SLIT3: variants seen among roughly 807,000 people sequenced by gnomAD.
SLIT3 encodes the protein slit homolog 3 protein.
SLIT3 carries 68 observed loss-of-function variants against 184.0 expected under a neutral mutation model. That is an observed-to-expected ratio of 0.37 (90% confidence interval 0.30 to 0.45). The LOEUF (loss-of-function observed/expected upper bound fraction) is 0.45, where lower values mean the gene tolerates loss of function less well. Among genes scored for constraint, SLIT3 ranks in the 20% least tolerant of loss-of-function variants. The pLI is 1.00. For missense variants in SLIT3, 1,707 were observed against 2,026.0 expected, an observed-to-expected ratio of 0.84 and a Z score of 3.02; for synonymous variants, 831 against 828.6, an observed-to-expected ratio of 1.00 and a Z score of -0.05.
At position 168,722,937 on chromosome 5, in the gene SLIT3, T is replaced by A; in HGVS notation, c.2407A>T (p.Thr803Ser). 6.2e-7 allele frequency: 1 copy of A among 1,610,710 alleles called. No individual in the cohort carries two copies. Among genetic ancestry groups the A allele is most frequent in the Non-Finnish European group, 8.5e-7 (1 of 1,176,938 alleles). The change falls in exon 22 of 36, where the codon ACT (threonine) becomes TCT (serine). Residue 803 changes from threonine to serine, a missense_variant. Coordinates refer to ENST00000519560, the MANE Select transcript of SLIT3 (RefSeq NM_003062.4). ...ACAGCATCTCAGTGTACTCACAGAG[T>A]GGAGAGGTGAGACATGTTACTGAAG... ...YTFSNMSHLS[T>S]LILSYNRLRC...
chr5:169,142,008 C>G (rs1222507793), intron 4 of SLIT3, among the ~76,000 whole-genome samples: 1 of 150,754 alleles, frequency 6.6e-6, no homozygotes, highest in East Asian at 1.9e-4. Flanking sequence ...CAAGATCGCA[C>G]CAGTGCACTC....
intron 4 of SLIT3, among the ~76,000 whole-genome samples, chr5:169,136,784 T>C (rs141635555): frequency 2.0e-3 from 312 of 152,242 alleles, no homozygotes; most frequent in African/African-American, 7.0e-3. Context: ...TGTGTATGAG[T>C]TGAACCATTA....
At chr5:169,042,312 T>C (rs569332369) in intron 4 of SLIT3, among the ~76,000 whole-genome samples, 1 of 152,290 alleles carries the variant, frequency 6.6e-6, no homozygotes, top group South Asian at 2.1e-4. Flanking sequence ...CATGAAAAAT[T>C]AATTCAACCC....
rs992513118 is a variant in SLIT3 at position 169,191,431 on chromosome 5, C to A, written c.413+2048G>T. 5.3e-5 allele frequency among the ~76,000 whole-genome samples: 8 copies of A among 152,180 alleles called. 1 individual carries two copies. Among genetic ancestry groups the A allele is most frequent in the African/African-American group, 1.9e-4 (8 of 41,446 alleles). ...TGCTTGTTGCAACTCCTAGTCTCTT[C>A]ATGCCTCCCAGAGAAAGGAGATCAG... On this transcript the variant is annotated intron_variant, in intron 4 of 35. Transcript: ENST00000519560.
intron 4 of SLIT3, among the ~76,000 whole-genome samples, chr5:169,051,154 C>T (rs746731497): frequency 7.9e-5 from 12 of 152,094 alleles, no homozygotes; most frequent in Admixed American, 7.2e-4. Flanking sequence ...CCTTCAGAAC[C>T]GGAAAGGAAA....
chr5:168,891,716 C>T (rs910139183), intron 4 of SLIT3, among the ~76,000 whole-genome samples: 1 of 152,194 alleles, frequency 6.6e-6, no homozygotes, highest in African/African-American at 2.4e-5. Flanking sequence ...ACCTGTTAGG[C>T]TGCAAGCTTC....
chr5:168,780,568 C>T (rs1377315872), intron 12 of SLIT3, among the ~76,000 whole-genome samples: 3 of 152,222 alleles, frequency 2.0e-5, no homozygotes. Context: ...TAAAAAAGTG[C>T]TCTGTGTGTC....
chr5:168,917,461 C>G (rs552681720), intron 4 of SLIT3, among the ~76,000 whole-genome samples: 33 of 152,304 alleles, frequency 2.2e-4, no homozygotes, highest in Non-Finnish European at 4.1e-4. Flanking sequence ...AGTCAAATCC[C>G]TTGTTTTTTA....
chr5:169,060,381 G>A (rs1408142497), intron 4 of SLIT3, among the ~76,000 whole-genome samples: 1 of 149,166 alleles, frequency 6.7e-6, no homozygotes, highest in Non-Finnish European at 1.5e-5. Context: ...GACAGAGCAA[G>A]ACTCCATCTC....
At chr5:168,749,682 G>A (rs1184552338) in intron 18 of SLIT3, 47 bp from the exon 19 acceptor site, 1 of 1,607,302 alleles carries the variant, frequency 6.2e-7, no homozygotes, top group Non-Finnish European at 8.5e-7. Flanking sequence ...TACTGTGGGA[G>A]CGGCCCTGGG....
chr5:169,038,222 G>A (rs1000955116), intron 4 of SLIT3, among the ~76,000 whole-genome samples: 2 of 152,132 alleles, frequency 1.3e-5, no homozygotes, highest in Non-Finnish European at 2.9e-5. Flanking sequence ...TAACTGGCAC[G>A]GGTCTGTGGA....
intron 6 of SLIT3, among the ~76,000 whole-genome samples, chr5:168,840,014 C>T (rs1200477457): frequency 6.6e-6 from 1 of 152,174 alleles, no homozygotes; most frequent in Non-Finnish European, 1.5e-5. Context: ...TTAATCTGGA[C>T]AGTGAGAGGT....
At position 168,750,219 on chromosome 5, in the gene SLIT3, G is replaced by A. The variant is rs115207232; in HGVS notation, c.1974-584C>T. Among the ~76,000 whole-genome samples the A allele has an allele frequency of 2.9e-3, 445 of 152,260 alleles. 2 individuals are homozygous for A. Among genetic ancestry groups the A allele is most frequent in the African/African-American group, 1.0e-2 (414 of 41,544 alleles). ...CAGAAACTAGCGTTATGTCATCACA[G>A]GCACTTTATATGCATCTGTGGACTG... On this transcript the variant is annotated intron_variant, in intron 18 of 35. Coordinates refer to ENST00000519560, the MANE Select transcript of SLIT3 (RefSeq NM_003062.4).
chr5:169,242,819 T>C (rs931137355), intron 3 of SLIT3, among the ~76,000 whole-genome samples: 2 of 152,140 alleles, frequency 1.3e-5, no homozygotes, highest in Admixed American at 6.6e-5. Context: ...TCCCCAGACA[T>C]GCATGGGTAT....
At chr5:168,672,114 C>T (rs1406984421) in intron 33 of SLIT3, among the ~76,000 whole-genome samples, 2 of 152,192 alleles carry the variant, frequency 1.3e-5, no homozygotes, top group African/African-American at 2.4e-5. Context: ...ATTCCCTGCC[C>T]ACCTTCTATA....
rs149893002 is a variant in SLIT3, at chr5:169,260,934, T to G, written c.198-9475A>C. 1.2e-3 allele frequency among the ~76,000 whole-genome samples: 188 copies of G among 152,358 alleles called. 1 individual carries two copies. Among genetic ancestry groups the G allele is most frequent in the Non-Finnish European group, 2.1e-3 (145 of 68,032 alleles). On this transcript the variant is annotated intron_variant, in intron 1 of 35. Coordinates refer to ENST00000519560, the MANE Select transcript of SLIT3 (RefSeq NM_003062.4). ...GCAACCTTTTTCTTTAAAGGCCAGA[T>G]AGTAAATAATTTGGGTTCTGCCAGT...
rs549754851 is a variant in SLIT3, at chr5:168,670,042, C to T, written c.4128-51G>A. The T allele has an allele frequency of 4.6e-5, 70 of 1,524,734 alleles. 1 individual carries two copies. The South Asian group carries it at 7.6e-4, about 16-fold the overall frequency. The allele number at this position is 1,524,734 out of a possible 1,614,324, so 94.5% of individuals were successfully genotyped here. A position where few individuals can be genotyped will look rare whatever the true frequency, so the allele number is the denominator to read the frequency against. ...GGGAACTGGATCAGAGTTGGTGCTG[C>T]TGGGGACTCCCTCTGTCCACCCAGC... On this transcript the variant is annotated intron_variant, in intron 34 of 35. Transcript: ENST00000519560.
chr5:168,826,715 CTTA>C (rs562513649), intron 6 of SLIT3, among the ~76,000 whole-genome samples: 51 of 152,248 alleles, frequency 3.3e-4, no homozygotes, highest in African/African-American at 1.2e-3. Flanking sequence ...TAACTGAGAG[CTTA>C]TTATATGCCA....
chr5:168,853,246 G>T (rs916266258), intron 5 of SLIT3, among the ~76,000 whole-genome samples: 1 of 152,082 alleles, frequency 6.6e-6, no homozygotes, highest in Non-Finnish European at 1.5e-5. Flanking sequence ...CTACACCAAA[G>T]AAAATACAAA....
Sources: allele counts gnomAD v4.1 joint callset (sites outside exome capture counted in the v4.1 genomes callset), GRCh38; gene constraint gnomAD v4.1.1; transcripts MANE v1.5; gene names NCBI Gene and HGNC (gene_info 2026-07-23, HGNC 2026-07-21).